MTOR: variants seen among roughly 807,000 people sequenced by gnomAD.
MTOR encodes the protein serine/threonine-protein kinase mTOR.
MTOR carries 70 observed loss-of-function variants against 319.8 expected under a neutral mutation model. The ratio of observed to expected loss-of-function variants is 0.22; its 90% CI spans 0.18 to 0.27. MTOR has a LOEUF of 0.27. MTOR is among the 10% of genes least tolerant of loss of function. The pLI, the probability that MTOR is intolerant of heterozygous loss-of-function variation, is 1.00. For synonymous variants in MTOR, 1,183 were observed against 1,211.4 expected (o/e 0.98, Z 0.49); for missense variants, 1,890 against 3,274.4 (o/e 0.58, Z 10.32).
At chr1:11,211,668 A>G (rs894674481) in intron 23 of MTOR, among the ~76,000 whole-genome samples, 2 of 152,132 alleles carry the variant, frequency 1.3e-5, no homozygotes, top group Admixed American at 1.3e-4. Context: ...TGCCTAGCTC[A>G]AGAATCTGCA....
intron 25 of MTOR, 138 bp downstream of exon 25, chr1:11,209,174 T>C: frequency 3.0e-6 from 3 of 1,004,402 alleles, no homozygotes; most frequent in Non-Finnish European, 1.5e-6. Flanking sequence ...GACAAAATGA[T>C]CTAAGTTCAT....
intron 30 of MTOR, among the ~76,000 whole-genome samples, chr1:11,151,368 T>C (rs774081999): frequency 2.6e-5 from 4 of 152,138 alleles, no homozygotes; most frequent in Non-Finnish European, 4.4e-5. Context: ...CTGGTGGCCA[T>C]GATGCCCTAT....
intron 54 of MTOR, among the ~76,000 whole-genome samples, chr1:11,112,087 C>T (rs1390268653): frequency 6.6e-6 from 1 of 152,136 alleles, no homozygotes; most frequent in African/African-American, 2.4e-5. Context: ...GAGGTTTCCA[C>T]ACACAAAAAG....
At chr1:11,211,030 A>T (rs996212237) in intron 23 of MTOR, 124 bp from the exon 24 acceptor site, 4 of 614,462 alleles carry the variant, frequency 6.5e-6, no homozygotes, top group Non-Finnish European at 1.1e-5. Flanking sequence ...GCTCTGTGAT[A>T]TTCAAAAGAA....
chr1:11,108,674 C>T (rs1237096728), intron 56 of MTOR, among the ~76,000 whole-genome samples: 1 of 145,640 alleles, frequency 6.9e-6, no homozygotes, highest in Non-Finnish European at 1.5e-5. Context: ...GATCGCACCA[C>T]TGCACTCCAG....
At chr1:11,116,151 C>T (rs12145459) in intron 50 of MTOR, among the ~76,000 whole-genome samples, 22 of 152,160 alleles carry the variant, frequency 1.4e-4, no homozygotes, top group South Asian at 1.2e-3. Flanking sequence ...TCTGAACATT[C>T]GTAAATTACA....
Position 11,121,359 on chromosome 1 carries a change from C to A in MTOR, c.6820G>T (p.Asp2274Tyr). 1 of 1,614,062 alleles carries A rather than the reference C, an allele frequency of 6.2e-7. No homozygotes were observed. Among genetic ancestry groups the A allele is most frequent in the Non-Finnish European group, 8.5e-7 (1 of 1,180,028 alleles). The stretch of plus-strand genomic sequence containing the variant: ...TGCATCAGAGTCAAGTGGTCATAGT[C>A]CGGAGCCATCTGCATCAGGACACAA... ...EHRIMLRMAP[D>Y]YDHLTLMQKV... Residue 2274 changes from aspartate (D) to tyrosine (Y), a missense_variant, in exon 49 of 58, where the codon GAC becomes TAC. Physicochemically the swap from Asp to Tyr is radical, Grantham distance 160. Around this residue, in one of 15 missense-constraint regions of MTOR, gnomAD observed 249 missense variants for 596.2 expected, o/e 0.42. Transcript: ENST00000361445. This position sits in a 1 kb window ranked among gnomAD's most constrained non-coding sequence, Gnocchi z 4.9.
rs573035516 is a variant in MTOR at position 11,250,469 on chromosome 1, C to T, written c.841-2375G>A. 2.3e-3 allele frequency among the ~76,000 whole-genome samples: 350 copies of T among 152,150 alleles called. 2 individuals carry two copies. The highest frequency in any genetic ancestry group is 3.3e-3 in the Non-Finnish European group (225 of 68,028). On this transcript the variant is annotated intron_variant, in intron 6 of 57. Transcript: ENST00000361445. ...CCAACTGATACTTCCACCTCCTTGACGCCCTTTCTTCACCTGGCTTCTCAG... is the reference window on the plus strand; with the variant it reads ...CCAACTGATACTTCCACCTCCTTGATGCCCTTTCTTCACCTGGCTTCTCAG...
chr1:11,194,369 T>C (rs763267628), intron 28 of MTOR: 2 of 1,183,700 alleles, frequency 1.7e-6, no homozygotes, highest in Non-Finnish European at 2.5e-6. Flanking sequence ...AAAAAGATGT[T>C]TGGCTATGGG....
chr1:11,114,674 C>T, intron 52 of MTOR, 139 bp downstream of exon 52: 4 of 1,043,820 alleles, frequency 3.8e-6, no homozygotes, highest in Non-Finnish European at 5.6e-6. Flanking sequence ...ATTTCTAACA[C>T]AATAGGAAAT....
Position 11,126,678 on chromosome 1 carries a change from G to C in MTOR, c.6470C>G (p.Ala2157Gly). The C allele has an allele frequency of 6.2e-7, 1 of 1,614,012 alleles. No homozygotes were observed. Among genetic ancestry groups the C allele is most frequent in the Non-Finnish European group, 8.5e-7 (1 of 1,180,032 alleles). Residue 2157 changes from alanine (A) to glycine (G), a missense_variant, in exon 46 of 58, where the codon GCA becomes GGA. By Grantham distance (60) the Ala-to-Gly change is moderately conservative (BLOSUM62 0). Transcript: ENST00000361445. ...NQPIIRIQSI[A>G]PSLQVITSKQ... ...GGATGTGATGACTTGCAAAGACGGT[G>C]CTATGGACTGAATGCGAATGATTGG...
chr1:11,231,755 CAG>C (rs1200326613), intron 16 of MTOR, among the ~76,000 whole-genome samples: 8 of 152,180 alleles, frequency 5.3e-5, no homozygotes, highest in Admixed American at 5.2e-4. Flanking sequence ...GTTGTTGAGA[CAG>C]GGTCTCACTG....
chr1:11,175,023 C>G (rs1175139630), intron 28 of MTOR, among the ~76,000 whole-genome samples: 1 of 152,222 alleles, frequency 6.6e-6, no homozygotes, highest in East Asian at 1.9e-4. Flanking sequence ...TTCCCATCTC[C>G]TCTTGACGCC....
intron 28 of MTOR, among the ~76,000 whole-genome samples, chr1:11,174,189 C>A (rs1000663028): frequency 6.6e-6 from 1 of 152,144 alleles, no homozygotes; most frequent in African/African-American, 2.4e-5. Flanking sequence ...GAAGGGTATA[C>A]TGCAAGCTCT....
At chr1:11,260,719 CTTT>C (rs35365679) in intron 1 of MTOR, among the ~76,000 whole-genome samples, 1 of 148,946 alleles carries the variant, frequency 6.7e-6, no homozygotes. Context: ...AGTGTCCATT[CTTT>C]TTTTTTAGCG....
At chr1:11,210,757 G>C in intron 24 of MTOR, 57 bp downstream of exon 24, 1 of 1,308,840 alleles carries the variant, frequency 7.6e-7, no homozygotes, top group Non-Finnish European at 1.1e-6. Context: ...AAGATTACAA[G>C]AATATCAAGT....
intron 9 of MTOR, among the ~76,000 whole-genome samples, chr1:11,242,179 C>T (rs879368901): frequency 6.6e-6 from 1 of 151,102 alleles, no homozygotes; most frequent in Non-Finnish European, 1.5e-5. Flanking sequence ...GCCTGGCCAA[C>T]ATGGTGAAAC....
intron 19 of MTOR, among the ~76,000 whole-genome samples, chr1:11,217,396 A>G (rs992740790): frequency 1.4e-5 from 2 of 143,942 alleles, no homozygotes; most frequent in Non-Finnish European, 1.5e-5. Context: ...CCTTCCCCCA[A>G]TTTTTTTTTT....
Position 11,247,805 on chromosome 1 carries a change from C to T in MTOR, c.1116+14G>A, listed in dbSNP as rs2100939558. The T allele has an allele frequency of 6.2e-7, 1 of 1,611,970 alleles. No homozygotes were observed. Among genetic ancestry groups the T allele is most frequent in the Non-Finnish European group, 8.5e-7 (1 of 1,178,266 alleles). ...GAGCTTAGGAAAAGAGGGAAAGGGC[C>T]TCTCACCACTTACCTGATCAAATTT... On this transcript the variant is annotated intron_variant, in intron 7 of 57. Transcript: ENST00000361445.
Sources: gnomAD v4.1 joint callset for allele counts (sites outside exome capture counted in the v4.1 genomes callset) on GRCh38, gnomAD v4.1.1 for gene constraint, gnomAD v4.1.1 regional missense constraint, Gnocchi (gnomAD v3.1) non-coding constraint, MANE v1.5 for transcripts, NCBI Gene and HGNC (gene_info 2026-07-23, HGNC 2026-07-21) for gene names.